PRSS54: variants seen among roughly 807,000 people sequenced by gnomAD.
PRSS54 encodes the protein serine protease 54, also known as inactive serine protease 54.
A neutral mutation model predicts 19.9 loss-of-function variants in PRSS54; 16 were observed. The ratio of observed to expected loss-of-function variants is 0.80; its 90% CI spans 0.54 to 1.22. The LOEUF (loss-of-function observed/expected upper bound fraction) is 1.22, where lower values mean the gene tolerates loss of function less well. PRSS54 is among the 50% of genes most tolerant of loss of function. The pLI, the probability that PRSS54 is intolerant of heterozygous loss-of-function variation, is 0.00. For synonymous variants in PRSS54, 177 were observed against 195.8 expected, an observed-to-expected ratio of 0.90 and a Z score of 0.80; for missense variants, 444 against 494.8, an observed-to-expected ratio of 0.90 and a Z score of 0.97.
Position 58,294,131 on chromosome 16 carries a change from A to T in PRSS54, c.-153T>A, listed in dbSNP as rs919320421. 3 of 338,290 alleles carry T rather than the reference A, an allele frequency of 8.9e-6. No individual in the cohort carries two copies. The highest frequency in any genetic ancestry group is 4.1e-5 in the Admixed American group (1 of 24,352). The allele number at this position is 338,290 out of a possible 1,614,324, so 21.0% of individuals were successfully genotyped here. A position where few individuals can be genotyped will look rare whatever the true frequency, so the allele number is the denominator to read the frequency against. ...TCCAGCCCAAGCCCCTGAGCACCCC[A>T]GAGAGTTGGGTCTCTGAAAAGGGCT... On this transcript the variant is annotated 5_prime_UTR_variant, in exon 2 of 7. Coordinates refer to ENST00000567164, the MANE Select transcript of PRSS54 (RefSeq NM_001305173.2).
Position 58,280,747 on chromosome 16 carries a change from C to T in PRSS54, c.665G>A (p.Gly222Glu). 6.2e-7 allele frequency: 1 copy of T among 1,600,656 alleles called. No homozygotes were observed. The highest frequency in any genetic ancestry group is 1.3e-5 in the African/African-American group (1 of 74,640). ...ETKTACLGDP[G>E]SPMMCQLQQF... Reference sequence around the variant, plus strand: ...CTGTAGCTGGCACATCATTGGGCTTCCTGGGTCCCCCTGTGATAAAAGACA... The same window carrying T: ...CTGTAGCTGGCACATCATTGGGCTTTCTGGGTCCCCCTGTGATAAAAGACA... Residue 222 changes from glycine to glutamate, a missense_variant, in exon 7 of 7, where the codon GGA becomes GAA. By Grantham distance (98) the Gly-to-Glu change is moderately conservative. Transcript: ENST00000567164.
At position 58,280,094 on chromosome 16, in the gene PRSS54, T is replaced by C; in HGVS notation, c.*130A>G. On this transcript the variant is annotated 3_prime_UTR_variant, in exon 7 of 7. Transcript: ENST00000567164. The stretch of plus-strand genomic sequence containing the variant: ...GATAGAGGAGGGAGAGCCAGCCCAG[T>C]GTATGCCATGGGCTTATCCGTGGCA... 1.1e-6 allele frequency: 1 copy of C among 892,942 alleles called. No homozygotes were observed. Among genetic ancestry groups the C allele is most frequent in the Non-Finnish European group, 1.7e-6 (1 of 581,446 alleles). 55.3% of individuals were successfully genotyped at this position (892,942 alleles called of 1,614,324 possible). A position where few individuals can be genotyped will look rare whatever the true frequency, so the allele number is the denominator to read the frequency against.
intron 4 of PRSS54, among the ~76,000 whole-genome samples, chr16:58,290,293 A>G (rs1053067921): frequency 1.3e-5 from 2 of 152,054 alleles, no homozygotes; most frequent in African/African-American, 2.4e-5. Context: ...AGCTTTGTAC[A>G]TACAAATTTT....
chr16:58,280,981 T>C (rs763896811), intron 6 of PRSS54: 74 of 536,854 alleles, frequency 1.4e-4, no homozygotes, highest in Non-Finnish European at 2.2e-4. Context: ...CTTCTGCTGA[T>C]TGCCTATAGC....
At chr16:58,292,549 C>CCT (rs1225693543) in intron 3 of PRSS54, among the ~76,000 whole-genome samples, 4 of 82,038 alleles carry the variant, frequency 4.9e-5, no homozygotes, top group African/African-American at 1.3e-4. Context: ...GCACAGAGGA[C>CCT]CTCTCCATGA....
At chr16:58,285,105 G>T (rs1964884722) in intron 5 of PRSS54, 1 of 166,094 alleles carries the variant, frequency 6.0e-6, no homozygotes, top group African/African-American at 2.4e-5. Flanking sequence ...ATGAGCCGCT[G>T]TGCCCTGCCA....
chr16:58,293,152 C>G (rs1965074171), intron 3 of PRSS54, among the ~76,000 whole-genome samples: 1 of 151,996 alleles, frequency 6.6e-6, no homozygotes, highest in South Asian at 2.1e-4. Flanking sequence ...CCTTCTAACC[C>G]CAGGGAGGCA....
At chr16:58,291,199 G>A in intron 3 of PRSS54, 63 bp from the exon 4 acceptor site, 3 of 1,495,642 alleles carry the variant, frequency 2.0e-6, no homozygotes, top group Non-Finnish European at 1.8e-6. Context: ...TCTCTCCTGT[G>A]GGCTGTCTGT....
chr16:58,293,852 C>T (rs557101275), intron 2 of PRSS54, 30 bp from the exon 3 acceptor site: 8 of 1,580,896 alleles, frequency 5.1e-6, no homozygotes, highest in South Asian at 3.4e-5. Flanking sequence ...TGACTCCATC[C>T]TCTTCCCAAA....
At chr16:58,287,192 C>T (rs1396632536) in intron 4 of PRSS54, among the ~76,000 whole-genome samples, 2 of 152,170 alleles carry the variant, frequency 1.3e-5, no homozygotes, top group Non-Finnish European at 2.9e-5. Flanking sequence ...GACAGCTAAC[C>T]TATCTCCAGT....
In PRSS54 at chr16:58,280,137, T is replaced by A; in HGVS notation, c.*87A>T. 7.2e-7 allele frequency: 1 copy of A among 1,387,026 alleles called. No individual in the cohort carries two copies. Among genetic ancestry groups the A allele is most frequent in the East Asian group, 2.3e-5 (1 of 43,112 alleles). 85.9% of individuals were successfully genotyped at this position (1,387,026 alleles called of 1,614,324 possible). ...CCGTGGCAGCCCCAGTGTGCAACTA[T>A]CAAAAACAGACATCAAAACAGCATG... On this transcript the variant is annotated 3_prime_UTR_variant, in exon 7 of 7. Transcript: ENST00000567164.
At chr16:58,290,456 C>G (rs1235985964) in intron 4 of PRSS54, among the ~76,000 whole-genome samples, 1 of 152,142 alleles carries the variant, frequency 6.6e-6, no homozygotes, top group Non-Finnish European at 1.5e-5. Context: ...ACAGAATTTG[C>G]AGAATACAGA....
chr16:58,293,300 G>A (rs1029080492), intron 3 of PRSS54, among the ~76,000 whole-genome samples: 3 of 152,168 alleles, frequency 2.0e-5, no homozygotes, highest in African/African-American at 4.8e-5. Flanking sequence ...GACCGCAGCT[G>A]CCACTTCTGC....
intron 3 of PRSS54, 113 bp from the exon 4 acceptor site, chr16:58,291,249 C>G (rs1965034428): frequency 1.0e-6 from 1 of 991,174 alleles, no homozygotes; most frequent in African/African-American, 1.6e-5. Flanking sequence ...CCTTTTCTTT[C>G]TTTTGCCTAG....
chr16:58,289,587 T>TC (rs1195177419), intron 4 of PRSS54, among the ~76,000 whole-genome samples: 3 of 151,468 alleles, frequency 2.0e-5, no homozygotes, highest in East Asian at 3.9e-4. Flanking sequence ...TTTTTTTTTT[T>TC]TGGACATGGA....
At chr16:58,292,859 G>A (rs555887708) in intron 3 of PRSS54, among the ~76,000 whole-genome samples, 4 of 152,204 alleles carry the variant, frequency 2.6e-5, no homozygotes, top group Non-Finnish European at 5.9e-5. Flanking sequence ...AAGCCAAGAT[G>A]TAATGAGGAA....
chr16:58,280,902 A>G, intron 6 of PRSS54, 145 bp from the exon 7 acceptor site: 1 of 714,868 alleles, frequency 1.4e-6, no homozygotes, highest in Non-Finnish European at 2.2e-6. Flanking sequence ...ACAATTTCAA[A>G]TCTAGGCAGC....
At chr16:58,289,341 G>C (rs113735959) in intron 4 of PRSS54, among the ~76,000 whole-genome samples, 7 of 152,310 alleles carry the variant, frequency 4.6e-5, no homozygotes, top group African/African-American at 1.7e-4. Context: ...AACAGCCTAA[G>C]TAGACTAATA....
intron 3 of PRSS54, among the ~76,000 whole-genome samples, chr16:58,291,644 G>C (rs141474146): frequency 6.6e-6 from 1 of 151,752 alleles, no homozygotes; most frequent in African/African-American, 2.4e-5. Context: ...ACTACCCCCC[G>C]GCTAAATTCT....
Sources: allele counts gnomAD v4.1 joint callset (sites outside exome capture counted in the v4.1 genomes callset), GRCh38; gene constraint gnomAD v4.1.1; transcripts MANE v1.5; gene names NCBI Gene and HGNC (gene_info 2026-07-23, HGNC 2026-07-21).